The following EYS variants were observed in gnomAD, a reference collection of about 807,000 sequenced individuals.
The protein encoded by EYS is protein eyes shut homolog.
A neutral mutation model predicts 282.1 loss-of-function variants in EYS; 250 were observed. That is an observed-to-expected ratio of 0.89 (90% CI 0.80 to 0.98). The LOEUF is 0.98. Among genes scored for constraint, EYS ranks in the 50% least tolerant of loss-of-function variants. The probability of loss-of-function intolerance (pLI) is 0.00; values close to 1 mark genes in which losing one functional copy is unlikely to be tolerated. For missense variants in EYS, 4,016 were observed against 3,709.0 expected (o/e 1.08, Z -2.15); for synonymous variants, 1,355 against 1,282.9 (o/e 1.06, Z -1.20).
At chr6:63,993,682 A>G (rs1767705337) in intron 34 of EYS, among the ~76,000 whole-genome samples, 2 of 152,032 alleles carry the variant, frequency 1.3e-5, no homozygotes, top group African/African-American at 2.4e-5. Flanking sequence ...AATAAGAAAA[A>G]CACTTTACAT....
In EYS at chr6:65,017,397, C is replaced by G. The variant is rs1561923326; in HGVS notation, c.2138-19694G>C. On this transcript the variant is annotated intron_variant, in intron 13 of 42. Coordinates refer to ENST00000503581, the MANE Select transcript of EYS (RefSeq NM_001142800.2). ...AATAATTTTTTATTGTTTTAAAAAGCATACCTTCAAGTATTAATAAATAAA... is the reference window on the plus strand; with the variant it reads ...AATAATTTTTTATTGTTTTAAAAAGGATACCTTCAAGTATTAATAAATAAA... Among the ~76,000 whole-genome samples, 11 of 152,228 alleles carry G rather than the reference C, an allele frequency of 7.2e-5. No individual in the cohort carries two copies. The South Asian group carries it at 2.3e-3, about 32-fold the overall frequency.
chr6:63,911,997 G>A (rs1345981672), intron 35 of EYS, among the ~76,000 whole-genome samples: 1 of 152,176 alleles, frequency 6.6e-6, no homozygotes, highest in Non-Finnish European at 1.5e-5. Context: ...CAATCATTAA[G>A]ATACTCAGAA....
chr6:63,951,668 G>C (rs1310937665), intron 35 of EYS, among the ~76,000 whole-genome samples: 1 of 151,938 alleles, frequency 6.6e-6, no homozygotes, highest in African/African-American at 2.4e-5. Context: ...CTCACACCTG[G>C]TCTGGCTTAC....
intron 5 of EYS, among the ~76,000 whole-genome samples, chr6:65,410,936 TGA>T (rs941180214): frequency 6.6e-6 from 1 of 152,002 alleles, no homozygotes; most frequent in Non-Finnish European, 1.5e-5. Context: ...GTAAAATAAA[TGA>T]GTTTTATATT....
chr6:64,677,677 T>C (rs927720079), intron 22 of EYS, among the ~76,000 whole-genome samples: 17 of 152,152 alleles, frequency 1.1e-4, no homozygotes, highest in African/African-American at 4.1e-4. Flanking sequence ...AAACATTTCT[T>C]CTAAAAGTTT....
intron 22 of EYS, among the ~76,000 whole-genome samples, chr6:64,740,930 G>A (rs997375791): frequency 6.6e-6 from 1 of 151,980 alleles, no homozygotes. Context: ...AGCCAGGATG[G>A]TCTCGATCTC....
At chr6:64,748,310 T>C (rs771654049) in intron 22 of EYS, among the ~76,000 whole-genome samples, 1 of 152,200 alleles carries the variant, frequency 6.6e-6, no homozygotes, top group Non-Finnish European at 1.5e-5. Context: ...TCCCCAACAT[T>C]TTTTGGCACC....
At chr6:64,809,351 G>A (rs958500196) in intron 22 of EYS, among the ~76,000 whole-genome samples, 13 of 151,986 alleles carry the variant, frequency 8.6e-5, no homozygotes, top group Admixed American at 7.9e-4. Flanking sequence ...TTAAGTGGGC[G>A]TTACATTTAC....
intron 19 of EYS, among the ~76,000 whole-genome samples, chr6:64,836,805 T>A (rs1765397049): frequency 1.3e-5 from 2 of 151,544 alleles, no homozygotes; most frequent in Admixed American, 6.6e-5. Context: ...AAGACAAATA[T>A]AATAAAAATT....
chr6:63,776,841 T>TA (rs1004698031), intron 40 of EYS, among the ~76,000 whole-genome samples: 44 of 152,096 alleles, frequency 2.9e-4, no homozygotes, highest in East Asian at 3.9e-4. Context: ...TATTATCACA[T>TA]AAAAAAACCC....
chr6:65,305,734 T>C (rs1346179803), intron 11 of EYS, among the ~76,000 whole-genome samples: 1 of 152,258 alleles, frequency 6.6e-6, no homozygotes, highest in Non-Finnish European at 1.5e-5. Flanking sequence ...AAATTGTCCC[T>C]TTTCTTCTTC....
chr6:65,463,776 T>A (rs1764900686), intron 5 of EYS, among the ~76,000 whole-genome samples: 1 of 152,098 alleles, frequency 6.6e-6, no homozygotes, highest in Non-Finnish European at 1.5e-5. Context: ...ATACTTCAAG[T>A]TCCCTCTTGA....
intron 31 of EYS, among the ~76,000 whole-genome samples, chr6:64,198,164 ATTT>A (rs35484359): frequency 7.2e-6 from 1 of 138,688 alleles, no homozygotes; most frequent in Admixed American, 7.2e-5. Context: ...GGCCCGGCTA[ATTT>A]TTTTTTTTTT....
chr6:64,009,505 C>T lies in EYS; in HGVS notation c.6726-10322G>A, dbSNP rs146854052. Among the ~76,000 whole-genome samples, 703 of 152,180 alleles carry T rather than the reference C, an allele frequency of 4.6e-3. 6 individuals carry two copies. Among genetic ancestry groups the T allele is most frequent in the African/African-American group, 0.016 (673 of 41,532 alleles). On this transcript the variant is annotated intron_variant, in intron 33 of 42. Coordinates refer to ENST00000503581, the MANE Select transcript of EYS (RefSeq NM_001142800.2). Reference sequence around the variant, plus strand: ...TTCACCGGGTTAGCCAGGATGGTCTCAATCTCTTGACCTCGTGATCTGCCC... The same window carrying T: ...TTCACCGGGTTAGCCAGGATGGTCTTAATCTCTTGACCTCGTGATCTGCCC...
intron 26 of EYS, among the ~76,000 whole-genome samples, chr6:64,530,328 T>C (rs1374732187): frequency 1.3e-5 from 2 of 152,132 alleles, no homozygotes; most frequent in African/African-American, 4.8e-5. Flanking sequence ...AGAGTAGATG[T>C]TAATATAACT....
intron 31 of EYS, among the ~76,000 whole-genome samples, chr6:64,181,863 T>C (rs1582391986): frequency 6.6e-6 from 1 of 152,268 alleles, no homozygotes; most frequent in South Asian, 2.1e-4. Flanking sequence ...CAATTCATTT[T>C]TGTTCGAAAT....
chr6:65,168,240 C>A (rs1370336581), intron 12 of EYS, among the ~76,000 whole-genome samples: 2 of 151,010 alleles, frequency 1.3e-5, no homozygotes, highest in African/African-American at 4.9e-5. Context: ...ATTTGGCAGG[C>A]CTGGAAGTTC....
At position 64,945,765 on chromosome 6, in the gene EYS, T is replaced by C. The variant is rs778288006; in HGVS notation, c.2381+28A>G. ...ACACTGAGCACTCCAAGTAATTTCA[T>C]GAAGAAAGCTAAAAATATGTTACTC... On this transcript the variant is annotated intron_variant, in intron 15 of 42. Coordinates refer to ENST00000503581, the MANE Select transcript of EYS (RefSeq NM_001142800.2). The C allele has an allele frequency of 7.8e-6, 12 of 1,545,000 alleles. 1 individual carries two copies. Among genetic ancestry groups the C allele is most frequent in the Middle Eastern group, 1.7e-4 (1 of 5,956 alleles).
intron 33 of EYS, among the ~76,000 whole-genome samples, chr6:64,019,916 G>A (rs1769105819): frequency 6.8e-6 from 1 of 146,892 alleles, no homozygotes; most frequent in Non-Finnish European, 1.5e-5. Context: ...AAGATATACA[G>A]ATAATCTGAA....
Sources: gnomAD v4.1 joint callset for allele counts (sites outside exome capture counted in the v4.1 genomes callset) on GRCh38, gnomAD v4.1.1 for gene constraint, MANE v1.5 for transcripts, NCBI Gene and HGNC (gene_info 2026-07-23, HGNC 2026-07-21) for gene names.